The following DENND1A variants were observed in gnomAD, a reference collection of about 807,000 sequenced individuals.
DENND1A encodes the protein DENN domain containing 1A, also known as DENN domain-containing protein 1A.
DENND1A carries 51 observed loss-of-function variants against 113.7 expected under a neutral mutation model. The ratio of observed to expected loss-of-function variants is 0.45; its 90% confidence interval spans 0.36 to 0.57. DENND1A has a LOEUF of 0.57. DENND1A is among the 20% of genes least tolerant of loss of function. The pLI, the probability that DENND1A is intolerant of heterozygous loss-of-function variation, is 0.00. For missense variants in DENND1A, 1,258 were observed against 1,395.9 expected (o/e 0.90, Z 1.57); for synonymous variants, 565 against 570.8 (o/e 0.99, Z 0.14).
intron 5 of DENND1A, among the ~76,000 whole-genome samples, chr9:123,754,421 G>C (rs1405452668): frequency 6.6e-6 from 1 of 152,142 alleles, no homozygotes; most frequent in African/African-American, 2.4e-5. Context: ...GGAAAAGATA[G>C]CTTCTCTACC....
intron 11 of DENND1A, among the ~76,000 whole-genome samples, chr9:123,601,661 A>ATAC (rs1173610839): frequency 2.0e-5 from 3 of 152,260 alleles, no homozygotes; most frequent in African/African-American, 7.2e-5. Flanking sequence ...TCTTATTTTT[A>ATAC]TACTACTAAC....
intron 19 of DENND1A, chr9:123,414,185 C>G: frequency 1.9e-6 from 2 of 1,049,112 alleles, no homozygotes; most frequent in Non-Finnish European, 1.2e-6. Context: ...TTTGACCATT[C>G]CAAGCCTTAC....
intron 19 of DENND1A, chr9:123,414,464 G>A: frequency 6.6e-7 from 1 of 1,508,200 alleles, no homozygotes; most frequent in Non-Finnish European, 8.9e-7. Flanking sequence ...GCATCTCACA[G>A]GGTGTCTGCT....
intron 13 of DENND1A, among the ~76,000 whole-genome samples, chr9:123,471,785 G>A (rs1057035797): frequency 6.6e-5 from 10 of 152,272 alleles, no homozygotes; most frequent in Admixed American, 2.0e-4. Context: ...CTCCTCCCAC[G>A]ACACCCCCGA....
intron 2 of DENND1A, among the ~76,000 whole-genome samples, chr9:123,839,619 C>G (rs1047521496): frequency 1.3e-5 from 2 of 152,176 alleles, no homozygotes; most frequent in Admixed American, 6.5e-5. Context: ...AATTTATCAT[C>G]TAATAATAAT....
chr9:123,563,854 C>T lies in DENND1A; in HGVS notation c.868-6159G>A, dbSNP rs10115352. 5.1e-3 allele frequency among the ~76,000 whole-genome samples: 780 copies of T among 152,264 alleles called. 10 individuals carry two copies. The highest frequency in any genetic ancestry group is 0.018 in the African/African-American group (738 of 41,528). On this transcript the variant is annotated intron_variant, in intron 12 of 23. Transcript: ENST00000394215. ...ACTTGATTTCAAAGGCCTCAAAACC[C>T]ATTCGCAAACCTGGGATATTCTTTA...
chr9:123,498,419 C>G (rs117534460), intron 13 of DENND1A, among the ~76,000 whole-genome samples: 283 of 152,366 alleles, frequency 1.9e-3, no homozygotes, highest in Non-Finnish European at 3.2e-3. Flanking sequence ...GCGTGCTGGT[C>G]AACAGCTGAG....
intron 12 of DENND1A, among the ~76,000 whole-genome samples, chr9:123,561,321 T>A (rs977457253): frequency 2.6e-5 from 4 of 152,164 alleles, no homozygotes; most frequent in African/African-American, 9.6e-5. Flanking sequence ...TACGAGTGTG[T>A]CCCTTCCTGC....
chr9:123,618,376 A>G (rs560538619), intron 10 of DENND1A, among the ~76,000 whole-genome samples: 1 of 152,356 alleles, frequency 6.6e-6, no homozygotes. Flanking sequence ...GCCAGGCTCC[A>G]AATCAGGGAG....
intron 1 of DENND1A, among the ~76,000 whole-genome samples, chr9:123,916,490 A>G (rs1269626335): frequency 6.7e-6 from 1 of 149,638 alleles, no homozygotes; most frequent in Non-Finnish European, 1.5e-5. Flanking sequence ...CTCCTGCCTC[A>G]GCCTCCCGAG....
At chr9:123,560,879 GC>G (rs2057713186) in intron 12 of DENND1A, among the ~76,000 whole-genome samples, 1 of 151,982 alleles carries the variant, frequency 6.6e-6, no homozygotes, top group South Asian at 2.1e-4. Flanking sequence ...ATAAGCCCCA[GC>G]CCCACAGTGA....
At chr9:123,565,395 G>A (rs943057911) in intron 12 of DENND1A, among the ~76,000 whole-genome samples, 9 of 152,206 alleles carry the variant, frequency 5.9e-5, no homozygotes, top group Non-Finnish European at 1.3e-4. Context: ...CTAAAAGCCC[G>A]GCTCAAGTTA....
intron 13 of DENND1A, among the ~76,000 whole-genome samples, chr9:123,514,640 T>C (rs923742046): frequency 1.3e-5 from 2 of 152,074 alleles, no homozygotes; most frequent in Non-Finnish European, 2.9e-5. Context: ...GTCACAGATA[T>C]GTAAAGGGAG....
At chr9:123,898,090 C>T (rs1020893842) in intron 1 of DENND1A, among the ~76,000 whole-genome samples, 8 of 151,984 alleles carry the variant, frequency 5.3e-5, no homozygotes, top group African/African-American at 1.9e-4. Context: ...AAGTGTAAGC[C>T]CTGTGCCCAG....
intron 1 of DENND1A, among the ~76,000 whole-genome samples, chr9:123,880,128 T>C (rs1401177195): frequency 6.6e-6 from 1 of 152,206 alleles, no homozygotes; most frequent in African/African-American, 2.4e-5. Flanking sequence ...TTCTCCTGCC[T>C]CAGCCTCCCA....
chr9:123,457,682 G>T, intron 14 of DENND1A, 111 bp downstream of exon 14: 1 of 1,056,372 alleles, frequency 9.5e-7, no homozygotes, highest in Non-Finnish European at 1.4e-6. Context: ...AGCCTCTTTT[G>T]CCTGGGGCCT....
chr9:123,598,291 G>T (rs2059786671), intron 11 of DENND1A, among the ~76,000 whole-genome samples: 1 of 152,100 alleles, frequency 6.6e-6, no homozygotes, highest in African/African-American at 2.4e-5. Context: ...AAATGGTGCT[G>T]AAACAAGGCT....
chr9:123,929,921 T>C lies in DENND1A; in HGVS notation c.-16A>G. On this transcript the variant is annotated 5_prime_UTR_variant, in exon 1 of 24. Coordinates refer to ENST00000394215, the MANE Select transcript of DENND1A (RefSeq NM_001352964.2). The stretch of plus-strand genomic sequence containing the variant: ...TGGAGCCCATGGTCCCCAGGCCTCC[T>C]CATGGGCCCGCGGGCCCCGCTCGGC... 1 of 322,410 alleles carries C rather than the reference T, an allele frequency of 3.1e-6. No individual in the cohort carries two copies. The highest frequency in any genetic ancestry group is 5.8e-6 in the Non-Finnish European group (1 of 172,778). The allele number at this position is 322,410 out of a possible 1,614,324, so 20.0% of individuals were successfully genotyped here.
chr9:123,902,548 G>A (rs1851848796), intron 1 of DENND1A, among the ~76,000 whole-genome samples: 1 of 152,046 alleles, frequency 6.6e-6, no homozygotes, highest in Non-Finnish European at 1.5e-5. Flanking sequence ...ACCACCTGTG[G>A]CAAAACAGCA....
Sources: gnomAD v4.1 joint callset for allele counts (sites outside exome capture counted in the v4.1 genomes callset) on GRCh38, gnomAD v4.1.1 for gene constraint, MANE v1.5 for transcripts, NCBI Gene and HGNC (gene_info 2026-07-23, HGNC 2026-07-21) for gene names.